RBSN: variants seen among roughly 807,000 people sequenced by gnomAD.
The protein encoded by RBSN is rabenosyn-5.
Under a neutral mutation model 60.5 loss-of-function variants are expected in RBSN, and 34 were observed. The observed-to-expected ratio is 0.56, with a 90% CI of 0.43 to 0.75. The LOEUF (loss-of-function observed/expected upper bound fraction) is 0.75. RBSN is among the 30% of genes least tolerant of loss of function. The probability of loss-of-function intolerance (pLI) is 0.00; values close to 1 mark genes in which losing one functional copy is unlikely to be tolerated. For missense variants in RBSN, 845 were observed against 986.8 expected (o/e 0.86, Z 1.92); for synonymous variants, 322 against 366.9 (o/e 0.88, Z 1.40).
chr3:15,083,281 A>G (rs2043253257), intron 8 of RBSN, among the ~76,000 whole-genome samples: 2 of 152,164 alleles, frequency 1.3e-5, no homozygotes, highest in Middle Eastern at 3.2e-3. Context: ...TCTCAGGGAG[A>G]AAGTATCAAG....
rs538235096 is a variant in RBSN at position 15,095,704 on chromosome 3, G to A, written c.148+269C>T. On this transcript the variant is annotated intron_variant, in intron 4 of 13. Transcript: ENST00000253699. ...ATTACATTTACTAGACTCAAAGTCA[G>A]ATTGTTTCTCTGAGTGGCTTCAGAC... 3.6e-5 allele frequency: 20 copies of A among 554,762 alleles called. No homozygotes were observed. The South Asian group carries it at 5.2e-4, about 14-fold the overall frequency. The allele number at this position is 554,762 out of a possible 1,614,324, so 34.4% of individuals were successfully genotyped here. A position where few individuals can be genotyped will look rare whatever the true frequency, so the allele number is the denominator to read the frequency against.
chr3:15,073,630 T>G lies in RBSN; in HGVS notation c.*152A>C. 2.9e-6 allele frequency: 2 copies of G among 692,724 alleles called. No individual in the cohort carries two copies. The highest frequency in any genetic ancestry group is 4.7e-6 in the Non-Finnish European group (2 of 428,276). 42.9% of individuals were successfully genotyped at this position (692,724 alleles called of 1,614,324 possible). A position where few individuals can be genotyped will look rare whatever the true frequency, so the allele number is the denominator to read the frequency against. On this transcript the variant is annotated 3_prime_UTR_variant, in exon 14 of 14. Transcript: ENST00000253699. ...CAACTGTAGTGGAAATACCTCAAAG[T>G]GCGCAACACAAAACAGCAGATTCCT...
At chr3:15,098,569 C>A (rs1358837261) in intron 1 of RBSN, among the ~76,000 whole-genome samples, 1 of 151,952 alleles carries the variant, frequency 6.6e-6, no homozygotes, top group Non-Finnish European at 1.5e-5. Flanking sequence ...CAGCCGCACT[C>A]AACCCGGCCT....
At position 15,073,797 on chromosome 3, in the gene RBSN, C is replaced by G. The variant is rs142390372; in HGVS notation, c.2340G>C (p.Lys780Asn). 1.9e-6 allele frequency: 3 copies of G among 1,603,282 alleles called. No homozygotes were observed. The highest frequency in any genetic ancestry group is 2.6e-6 in the Non-Finnish European group (3 of 1,175,430). The change falls in exon 14 of 14, where the codon AAG becomes AAC. Residue 780 changes from lysine (K) to asparagine (N), a missense_variant. Transcript: ENST00000253699. The stretch of plus-strand genomic sequence containing the variant: ...CCACTGCTGGTCAGTCAGTGCCCCC[C>G]TTCTGCTTGGCCAGGGTGTGCTTCA... ...RELKHTLAKQKGGTD is the reference protein window; with the variant it reads ...RELKHTLAKQNGGTD
Position 15,098,474 on chromosome 3 carries a change from AAAAATAAATAT to A in RBSN, c.-500-211_-500-201del, listed in dbSNP as rs1293592696. 2.3e-4 allele frequency among the ~76,000 whole-genome samples: 12 copies of A among 53,260 alleles called. No homozygotes were observed. In the Admixed American group the frequency reaches 2.5e-3, roughly 11 times the overall value. The allele number at this position is 53,260 out of a possible 152,430, so 34.9% of individuals were successfully genotyped here. A position where few individuals can be genotyped will look rare whatever the true frequency, so the allele number is the denominator to read the frequency against. The stretch of plus-strand genomic sequence containing the variant: ...AAAAAGTAAAAAAAATAAAAATAAA[AAAAATAAATAT>A]AGCTACATGTTCTGCAGCCGTACAT... On this transcript the variant is annotated intron_variant, in intron 1 of 13. Coordinates refer to ENST00000253699, the MANE Select transcript of RBSN (RefSeq NM_022340.4).
intron 4 of RBSN, among the ~76,000 whole-genome samples, chr3:15,094,078 T>C (rs928395476): frequency 3.9e-5 from 6 of 152,176 alleles, no homozygotes; most frequent in African/African-American, 9.7e-5. Context: ...TAGATTCCCA[T>C]ATCTGTATTC....
rs1343849521 is a variant in RBSN at position 15,099,109 on chromosome 3, C to T, written c.-575G>A. 6.6e-6 allele frequency: 1 copy of T among 152,374 alleles called. No individual in the cohort carries two copies. 9.4% of individuals were successfully genotyped at this position (152,374 alleles called of 1,614,324 possible). A position where few individuals can be genotyped will look rare whatever the true frequency, so the allele number is the denominator to read the frequency against. On this transcript the variant is annotated 5_prime_UTR_variant, in exon 1 of 14. The change creates a new upstream start codon in the 5' untranslated region. Transcript: ENST00000253699. ...GGCTCTGGGCCTCCACCGTCCGTCA[C>T]TCAGCCGCAGCCGCCATCTCCATCG...
At position 15,074,023 on chromosome 3, in the gene RBSN, A is replaced by T. The variant is rs1321035369; in HGVS notation, c.2114T>A (p.Leu705Gln). The T allele has an allele frequency of 6.2e-7, 1 of 1,614,110 alleles. No homozygotes were observed. The highest frequency in any genetic ancestry group is 1.3e-5 in the African/African-American group (1 of 75,018). ...TTCCTCAAAGGGGTTACCAGGAACCAGAGGGCTTGAGAGCCTCTGCTGGGG... is the reference window on the plus strand; with the variant it reads ...TTCCTCAAAGGGGTTACCAGGAACCTGAGGGCTTGAGAGCCTCTGCTGGGG... ...EHPQQRLSSPLVPGNPFEEPT... is the reference protein window; with the variant it reads ...EHPQQRLSSPQVPGNPFEEPT... Residue 705 changes from leucine to glutamine, a missense_variant, in exon 14 of 14, where the codon CTG becomes CAG. Physicochemically the swap from Leu to Gln is moderately radical, Grantham distance 113 (BLOSUM62 -2). Transcript: ENST00000253699. The surrounding 1 kb of genome is among the most constrained non-coding windows in gnomAD (Gnocchi z 6.4).
Position 15,084,807 on chromosome 3 carries a change from G to T in RBSN, c.526C>A (p.Arg176Ser), listed in dbSNP as rs200708013. The T allele has an allele frequency of 1.2e-6, 2 of 1,614,074 alleles. No homozygotes were observed. Among genetic ancestry groups the T allele is most frequent in the Non-Finnish European group, 1.7e-6 (2 of 1,180,048 alleles). The change falls in exon 8 of 14, where the codon CGC becomes AGC. Residue 176 changes from arginine (R) to serine (S), a missense_variant. Coordinates refer to ENST00000253699, the MANE Select transcript of RBSN (RefSeq NM_022340.4). This position sits in a 1 kb window ranked among gnomAD's most constrained non-coding sequence, Gnocchi z 4.2. ...GACCCGCAGAGGCGGCAGTGGTGGC[G>T]GCGGTTCCGGATGCTGAACTTATTC... Reference protein sequence around the residue: ...CGNKFSIRNRRHHCRLCGSIM... With the variant: ...CGNKFSIRNRSHHCRLCGSIM...
At position 15,070,105 on chromosome 3, in the gene RBSN, G is replaced by A. The variant is rs532502398; in HGVS notation, c.*3677C>T. The A allele has an allele frequency of 6.6e-6, 1 of 152,404 alleles. No individual in the cohort carries two copies. Among genetic ancestry groups the A allele is most frequent in the African/African-American group, 2.4e-5 (1 of 41,366 alleles). 9.4% of individuals were successfully genotyped at this position (152,404 alleles called of 1,614,324 possible). On this transcript the variant is annotated 3_prime_UTR_variant, in exon 14 of 14. Coordinates refer to ENST00000253699, the MANE Select transcript of RBSN (RefSeq NM_022340.4). ...TCAGATTTTATTTTTTTTAAAAAAG[G>A]CTCCAATACAAGGCCCCAGAGTAGT... is the stretch of plus-strand genomic sequence containing the variant.
At chr3:15,091,404 A>G in intron 4 of RBSN, 1 of 1,240,880 alleles carries the variant, frequency 8.1e-7, no homozygotes, top group South Asian at 1.4e-5. Context: ...TTAACTGGAC[A>G]CAGAGTTCTT....
At chr3:15,090,314 C>T in intron 5 of RBSN, 85 bp downstream of exon 5, 1 of 1,471,544 alleles carries the variant, frequency 6.8e-7, no homozygotes, top group Non-Finnish European at 9.3e-7. Context: ...TTACTGATGC[C>T]TCCTCAGCCA....
rs1373825817 is a variant in RBSN at position 15,074,314 on chromosome 3, T to C, written c.1823A>G (p.Gln608Arg). ...CATGCTGCTCTGGGGTAAGCGCTCC[T>C]GGCCAACGGCTGGGGGCCCAGACCA... ...RVWSGPPAVGQERLPQSSMPQ... is the reference protein window; with the variant it reads ...RVWSGPPAVGRERLPQSSMPQ... Residue 608 changes from glutamine to arginine, a missense_variant, in exon 14 of 14, where the codon CAG becomes CGG. Transcript: ENST00000253699. The surrounding 1 kb of genome is among the most constrained non-coding windows in gnomAD (Gnocchi z 6.4). 1 of 1,614,158 alleles carries C rather than the reference T, an allele frequency of 6.2e-7. No individual in the cohort carries two copies. The highest frequency in any genetic ancestry group is 8.5e-7 in the Non-Finnish European group (1 of 1,180,016).
chr3:15,093,847 G>C (rs1407950535), intron 4 of RBSN, among the ~76,000 whole-genome samples: 1 of 151,948 alleles, frequency 6.6e-6, no homozygotes, highest in Non-Finnish European at 1.5e-5. Flanking sequence ...GACTACAAAT[G>C]CATGTCATCA....
chr3:15,081,051 TCACCC>T, intron 9 of RBSN: 1 of 465,976 alleles, frequency 2.1e-6, no homozygotes, highest in South Asian at 2.6e-5. Context: ...TTTTGTTCTG[TCACCC>T]AAGGTGGAGT....
chr3:15,078,428 G>A (rs912351101), intron 10 of RBSN, among the ~76,000 whole-genome samples: 3 of 151,976 alleles, frequency 2.0e-5, no homozygotes, highest in African/African-American at 2.4e-5. Context: ...AAACAAATGC[G>A]GCTGAATTTA....
rs527579590 is a variant in RBSN at position 15,081,204 on chromosome 3, G to A, written c.841-402C>T. On this transcript the variant is annotated intron_variant, in intron 9 of 13. Transcript: ENST00000253699. ...TAATTTTTATATTTTTAGTAGAGAC[G>A]AGGTTTTGCCATGTTGGCCAGGCTG... The A allele has an allele frequency of 4.9e-5, 8 of 164,942 alleles. No homozygotes were observed. The East Asian group carries it at 5.2e-4, about 11-fold the overall frequency. 10.2% of individuals were successfully genotyped at this position (164,942 alleles called of 1,614,324 possible).
chr3:15,087,059 A>G (rs2043361271), intron 5 of RBSN, among the ~76,000 whole-genome samples: 1 of 152,242 alleles, frequency 6.6e-6, no homozygotes, highest in South Asian at 2.1e-4. Flanking sequence ...TAAAAATTGC[A>G]TATATTCACC....
At chr3:15,091,309 G>A (rs2043511734) in intron 4 of RBSN, 3 of 1,017,692 alleles carry the variant, frequency 2.9e-6, no homozygotes, top group African/African-American at 1.8e-5. Flanking sequence ...ATTTACCCCA[G>A]AAACTCATGA....
Sources: gnomAD v4.1 joint callset for allele counts (sites outside exome capture counted in the v4.1 genomes callset) on GRCh38, gnomAD v4.1.1 for gene constraint, Gnocchi (gnomAD v3.1) non-coding constraint, MANE v1.5 for transcripts, NCBI Gene and HGNC (gene_info 2026-07-23, HGNC 2026-07-21) for gene names.